The following RBFOX1 variants were observed in gnomAD, a reference collection of about 807,000 sequenced individuals.
RBFOX1 encodes the protein RNA binding fox-1 homolog 1, also known as RNA binding protein fox-1 homolog 1.
A neutral mutation model predicts 57.7 loss-of-function variants in RBFOX1; 8 were observed. The observed-to-expected ratio is 0.14, with a 90% CI of 0.08 to 0.25. The LOEUF (loss-of-function observed/expected upper bound fraction) is 0.25, where lower values mean the gene tolerates loss of function less well. RBFOX1 is among the 10% of genes least tolerant of loss of function. The pLI, the probability that RBFOX1 is intolerant of heterozygous loss-of-function variation, is 1.00. For missense variants in RBFOX1, 611 were observed against 548.5 expected, an observed-to-expected ratio of 1.11 and a Z score of -1.14; for synonymous variants, 326 against 222.4, an observed-to-expected ratio of 1.47 and a Z score of -4.15.
intron 12 of RBFOX1, among the ~76,000 whole-genome samples, chr16:7,660,789 G>A (rs1197963744): frequency 6.6e-6 from 1 of 152,174 alleles, no homozygotes; most frequent in Non-Finnish European, 1.5e-5. Flanking sequence ...ATGGGGCCCA[G>A]CCATCTGTGT....
intron 3 of RBFOX1, among the ~76,000 whole-genome samples, chr16:6,896,460 A>G (rs193212480): frequency 1.3e-3 from 192 of 152,096 alleles, no homozygotes; most frequent in African/African-American, 4.4e-3. Flanking sequence ...TCTACTGTCT[A>G]TGTACATGAG....
chr16:7,140,146 C>T (rs2073278589), intron 4 of RBFOX1, among the ~76,000 whole-genome samples: 2 of 138,132 alleles, frequency 1.4e-5, no homozygotes, highest in African/African-American at 3.1e-5. Flanking sequence ...CTCTTATTCT[C>T]TCCTTCTCTC....
intron 4 of RBFOX1, among the ~76,000 whole-genome samples, chr16:7,204,638 T>G (rs1414321494): frequency 6.6e-6 from 1 of 152,142 alleles, no homozygotes; most frequent in Non-Finnish European, 1.5e-5. Flanking sequence ...AGAACAAGAC[T>G]GTGTCTTAAG....
chr16:6,826,220 G>C (rs909647378), intron 3 of RBFOX1, among the ~76,000 whole-genome samples: 1 of 152,110 alleles, frequency 6.6e-6, no homozygotes, highest in East Asian at 1.9e-4. Context: ...GCATGTAAGA[G>C]CTTAGAACAG....
intron 1 of RBFOX1, among the ~76,000 whole-genome samples, chr16:5,426,527 C>T (rs567367808): frequency 8.5e-5 from 13 of 152,178 alleles, no homozygotes; most frequent in Non-Finnish European, 1.5e-4. Context: ...TGCTTCTCTC[C>T]AGGGATGCCA....
At chr16:6,690,587 T>C (rs1358605847) in intron 3 of RBFOX1, among the ~76,000 whole-genome samples, 1 of 152,120 alleles carries the variant, frequency 6.6e-6, no homozygotes, top group Non-Finnish European at 1.5e-5. Context: ...GATGATCTTA[T>C]GTATCATTAT....
chr16:5,804,326 C>T (rs1278800671), intron 3 of RBFOX1, among the ~76,000 whole-genome samples: 3 of 152,142 alleles, frequency 2.0e-5, no homozygotes, highest in Admixed American at 1.3e-4. Context: ...GATGGATGAA[C>T]AAATGAATGA....
intron 1 of RBFOX1, among the ~76,000 whole-genome samples, chr16:5,290,824 G>A (rs757643377): frequency 1.3e-5 from 2 of 151,786 alleles, no homozygotes; most frequent in Admixed American, 6.6e-5. Flanking sequence ...TCAGTCTCCC[G>A]AGTAGCTGGG....
chr16:5,848,210 A>G lies in RBFOX1; in HGVS notation c.319-19093A>G, dbSNP rs117039502. On this transcript the variant is annotated intron_variant, in intron 3 of 19. Coordinates refer to the RBFOX1 transcript ENST00000641259. ...AGCCTGACACCACTAGACTATATAT[A>G]AGGTGGATATCTTATCCAGCCCACC... 3.9e-4 allele frequency among the ~76,000 whole-genome samples: 59 copies of G among 152,200 alleles called. 3 individuals are homozygous for G. The East Asian group carries it at 9.1e-3, about 23-fold the overall frequency.
At chr16:6,503,549 A>G (rs1030231940) in intron 2 of RBFOX1, among the ~76,000 whole-genome samples, 1 of 152,192 alleles carries the variant, frequency 6.6e-6, no homozygotes, top group African/African-American at 2.4e-5. Context: ...GTCTTGACAC[A>G]CATACTTGGT....
chr16:6,603,609 A>G (rs557887305), intron 2 of RBFOX1, among the ~76,000 whole-genome samples: 14 of 152,110 alleles, frequency 9.2e-5, no homozygotes, highest in Non-Finnish European at 1.3e-4. Context: ...CACTTGAGAA[A>G]GCCCCCCCGG....
At chr16:6,672,181 T>G (rs1402008402) in intron 3 of RBFOX1, among the ~76,000 whole-genome samples, 2 of 152,244 alleles carry the variant, frequency 1.3e-5, no homozygotes, top group African/African-American at 4.8e-5. Flanking sequence ...ATTTAGTTTC[T>G]ATTTATGAGC....
intron 4 of RBFOX1, among the ~76,000 whole-genome samples, chr16:7,176,014 G>C (rs1015626866): frequency 6.6e-6 from 1 of 151,974 alleles, no homozygotes; most frequent in African/African-American, 2.4e-5. Flanking sequence ...CATCCGATGT[G>C]AGTGTCAGTT....
intron 6 of RBFOX1, among the ~76,000 whole-genome samples, chr16:7,584,143 A>T (rs1322491537): frequency 6.6e-6 from 1 of 152,304 alleles, no homozygotes; most frequent in South Asian, 2.1e-4. Flanking sequence ...TTCACGCACA[A>T]TCTTTGAACT....
chr16:6,773,336 C>T (rs73528883), intron 3 of RBFOX1, among the ~76,000 whole-genome samples: 4,846 of 75,070 alleles, frequency 0.065, 279 homozygotes, highest in African/African-American at 0.21. Context: ...CATTTCTGTG[C>T]ATGTGTATGT....
At chr16:6,579,213 T>C (rs1035058710) in intron 2 of RBFOX1, among the ~76,000 whole-genome samples, 1 of 152,130 alleles carries the variant, frequency 6.6e-6, no homozygotes, top group Non-Finnish European at 1.5e-5. Flanking sequence ...TATTGTTGTT[T>C]TTGTTTTTGA....
chr16:6,834,486 C>T (rs2092942415), intron 3 of RBFOX1, among the ~76,000 whole-genome samples: 1 of 147,756 alleles, frequency 6.8e-6, no homozygotes. Flanking sequence ...AGAGAAAGTA[C>T]TCAGTAACTG....
chr16:6,418,693 A>C (rs559855536), intron 2 of RBFOX1, among the ~76,000 whole-genome samples: 19 of 151,832 alleles, frequency 1.3e-4, no homozygotes, highest in Non-Finnish European at 4.4e-5. Context: ...TGGCTAATTT[A>C]AGAAGTAAAA....
At chr16:7,132,979 A>T (rs561183353) in intron 4 of RBFOX1, among the ~76,000 whole-genome samples, 1 of 152,348 alleles carries the variant, frequency 6.6e-6, no homozygotes, top group African/African-American at 2.4e-5. Flanking sequence ...GTCAGAAAAC[A>T]AACCGTTATA....
Sources: allele counts gnomAD v4.1 joint callset (sites outside exome capture counted in the v4.1 genomes callset), GRCh38; gene constraint gnomAD v4.1.1; transcripts MANE v1.5; gene names NCBI Gene and HGNC (gene_info 2026-07-23, HGNC 2026-07-21).